PDE3A: variants seen among roughly 807,000 people sequenced by gnomAD.
The protein encoded by PDE3A is cGMP-inhibited 3',5'-cyclic phosphodiesterase 3A.
In PDE3A, 43 loss-of-function variants were observed where a neutral mutation model predicts 98.3. The ratio of observed to expected loss-of-function variants is 0.44; its 90% CI spans 0.34 to 0.56. The LOEUF (loss-of-function observed/expected upper bound fraction) is 0.56, where lower values mean the gene tolerates loss of function less well. PDE3A is among the 20% of genes least tolerant of loss of function. The pLI, the probability that PDE3A is intolerant of heterozygous loss-of-function variation, is 0.01. For missense variants in PDE3A, 1,427 were observed against 1,440.7 expected, an observed-to-expected ratio of 0.99 and a Z score of 0.15; for synonymous variants, 663 against 567.9, an observed-to-expected ratio of 1.17 and a Z score of -2.38.
chr12:20,582,003 G>T (rs1159452662), intron 2 of PDE3A, among the ~76,000 whole-genome samples: 1 of 151,884 alleles, frequency 6.6e-6, no homozygotes, highest in Non-Finnish European at 1.5e-5. Flanking sequence ...TTAATTCTAC[G>T]TTCTAAAATA....
At chr12:20,449,751 G>A in intron 1 of PDE3A, 1 of 477,898 alleles carries the variant, frequency 2.1e-6, no homozygotes, top group African/African-American at 2.0e-5. Flanking sequence ...GGATGCTCAG[G>A]CTGGGGGTCA....
chr12:20,595,252 C>T (rs1342008118), intron 2 of PDE3A, among the ~76,000 whole-genome samples: 1 of 152,052 alleles, frequency 6.6e-6, no homozygotes, highest in Non-Finnish European at 1.5e-5. Context: ...AAAATGGCTG[C>T]TGGCAGCAAC....
At chr12:20,437,118 T>A (rs1466464997) in intron 1 of PDE3A, among the ~76,000 whole-genome samples, 1 of 152,076 alleles carries the variant, frequency 6.6e-6, no homozygotes, top group African/African-American at 2.4e-5. Flanking sequence ...TGACTACACA[T>A]CTGGACTGTG....
chr12:20,579,671 C>G (rs1395484720), intron 2 of PDE3A, among the ~76,000 whole-genome samples: 2 of 152,174 alleles, frequency 1.3e-5, no homozygotes, highest in African/African-American at 4.8e-5. Flanking sequence ...GGCCCCTCCC[C>G]TATTGCCTCA....
chr12:20,410,838 C>T (rs921766343), intron 1 of PDE3A, among the ~76,000 whole-genome samples: 1 of 152,154 alleles, frequency 6.6e-6, no homozygotes, highest in African/African-American at 2.4e-5. Context: ...AAAACTGGCT[C>T]CCCTCTTCCC....
chr12:20,478,700 A>G (rs1204977207), intron 1 of PDE3A, among the ~76,000 whole-genome samples: 2 of 152,102 alleles, frequency 1.3e-5, no homozygotes, highest in South Asian at 2.1e-4. Flanking sequence ...TTAAAATGAC[A>G]TTTTCCTTTT....
At chr12:20,445,540 T>C (rs149783762) in intron 1 of PDE3A, among the ~76,000 whole-genome samples, 5 of 152,298 alleles carry the variant, frequency 3.3e-5, no homozygotes, top group Non-Finnish European at 4.4e-5. Context: ...TATTAAAATA[T>C]GGGTGGCAGT....
chr12:20,381,399 T>G (rs1943660614), intron 1 of PDE3A, among the ~76,000 whole-genome samples: 1 of 151,902 alleles, frequency 6.6e-6, no homozygotes, highest in Non-Finnish European at 1.5e-5. Flanking sequence ...GAATAATTCC[T>G]CAGTTTTCAA....
At chr12:20,629,788 G>A (rs1400208231) in intron 5 of PDE3A, 120 bp from the exon 6 acceptor site, 5 of 730,864 alleles carry the variant, frequency 6.8e-6, no homozygotes, top group African/African-American at 1.7e-5. Context: ...AGGCCAGCCC[G>A]GTGACCTGAG....
chr12:20,560,985 A>T (rs1942501672), intron 2 of PDE3A, among the ~76,000 whole-genome samples: 2 of 151,788 alleles, frequency 1.3e-5, no homozygotes. Context: ...AGTAGAGGCC[A>T]GGGGCAGTGG....
chr12:20,388,207 A>G (rs1447795509), intron 1 of PDE3A, among the ~76,000 whole-genome samples: 1 of 151,988 alleles, frequency 6.6e-6, no homozygotes, highest in Non-Finnish European at 1.5e-5. Context: ...GTACTATATA[A>G]AACACCCTTG....
chr12:20,396,418 G>A (rs1008197126), intron 1 of PDE3A, among the ~76,000 whole-genome samples: 2 of 152,040 alleles, frequency 1.3e-5, no homozygotes, highest in Non-Finnish European at 2.9e-5. Flanking sequence ...GTGAGTAGAG[G>A]AAAAGTGCAG....
intron 15 of PDE3A, among the ~76,000 whole-genome samples, chr12:20,670,395 A>G (rs549708186): frequency 0.014 from 2,087 of 151,018 alleles, 30 homozygotes; most frequent in East Asian, 0.051. Flanking sequence ...TAGAATATAC[A>G]TTTTTTTCAG....
At position 20,684,852 on chromosome 12, in the gene PDE3A, A is replaced by C. The variant is rs1328519616; in HGVS notation, c.*4581A>C. Among the ~76,000 whole-genome samples the C allele has an allele frequency of 1.3e-5, 2 of 152,238 alleles. No homozygotes were observed. The highest frequency in any genetic ancestry group is 2.9e-5 in the Non-Finnish European group (2 of 68,040). On this transcript the variant is annotated 3_prime_UTR_variant, in exon 16 of 16. Coordinates refer to ENST00000359062, the MANE Select transcript of PDE3A (RefSeq NM_000921.5). ...ACACTACAAACAATGAGTTGAGCTA[A>C]AAACTATACATAACTTAAATTGAGA...
chr12:20,449,947 GC>G, intron 1 of PDE3A: 2 of 786,508 alleles, frequency 2.5e-6, no homozygotes, highest in Non-Finnish European at 4.0e-6. Context: ...GATTCTGAAG[GC>G]CCCCTTATAT....
intron 1 of PDE3A, among the ~76,000 whole-genome samples, chr12:20,410,296 G>T (rs1340870215): frequency 6.6e-6 from 1 of 152,212 alleles, no homozygotes; most frequent in African/African-American, 2.4e-5. Flanking sequence ...GCTGAGCAGT[G>T]AGATTCTGAT....
chr12:20,458,979 T>C (rs1162344004), intron 1 of PDE3A, among the ~76,000 whole-genome samples: 1 of 152,136 alleles, frequency 6.6e-6, no homozygotes, highest in African/African-American at 2.4e-5. Context: ...TATGTAAGGG[T>C]ATAAAAATAT....
At chr12:20,457,149 G>T (rs1945167290) in intron 1 of PDE3A, among the ~76,000 whole-genome samples, 1 of 151,958 alleles carries the variant, frequency 6.6e-6, no homozygotes, top group Non-Finnish European at 1.5e-5. Flanking sequence ...AAGGACATTG[G>T]CAAAGGAATT....
At chr12:20,577,860 GA>G (rs1325997752) in intron 2 of PDE3A, among the ~76,000 whole-genome samples, 1 of 152,172 alleles carries the variant, frequency 6.6e-6, no homozygotes, top group Non-Finnish European at 1.5e-5. Context: ...GTATAATTAA[GA>G]GAAAGCTGTT....
Sources: gnomAD v4.1 joint callset for allele counts (sites outside exome capture counted in the v4.1 genomes callset) on GRCh38, gnomAD v4.1.1 for gene constraint, MANE v1.5 for transcripts, NCBI Gene and HGNC (gene_info 2026-07-23, HGNC 2026-07-21) for gene names.